The following SEMA6D variants were observed in gnomAD, a reference collection of about 807,000 sequenced individuals.
SEMA6D encodes the protein semaphorin 6D.
Under a neutral mutation model 106.6 loss-of-function variants are expected in SEMA6D, and 35 were observed. That is an observed-to-expected ratio of 0.33 (90% CI 0.25 to 0.44). The LOEUF (loss-of-function observed/expected upper bound fraction) is 0.44. SEMA6D is among the 20% of genes least tolerant of loss of function. SEMA6D has a pLI of 1.00. For missense variants in SEMA6D, 1,185 were observed against 1,345.9 expected, an observed-to-expected ratio of 0.88 and a Z score of 1.87; for synonymous variants, 499 against 487.7, an observed-to-expected ratio of 1.02 and a Z score of -0.31.
chr15:47,760,903 G>A, intron 3 of SEMA6D, 75 bp from the exon 4 acceptor site: 1 of 1,335,182 alleles, frequency 7.5e-7, no homozygotes, highest in Non-Finnish European at 1.0e-6. Context: ...AGGCAGATCT[G>A]TAAAAATAAA....
chr15:47,664,178 T>C (rs1009282588), intron 4 of SEMA6D, among the ~76,000 whole-genome samples: 2 of 152,206 alleles, frequency 1.3e-5, no homozygotes, highest in African/African-American at 4.8e-5. Flanking sequence ...TCTGCTCAAC[T>C]ATCATACATT....
intron 3 of SEMA6D, among the ~76,000 whole-genome samples, chr15:47,479,364 C>A (rs1264947035): frequency 6.6e-6 from 1 of 152,030 alleles, no homozygotes; most frequent in East Asian, 1.9e-4. Context: ...ATGCTAAGTT[C>A]AGTAAGAGGC....
chr15:47,735,291 G>T lies in SEMA6D; in HGVS notation c.-55+17599G>T, dbSNP rs79682818. ...AATAACTTTTAGAGAAGGCACTACGGTATAGTCATCATGGCCCAAATATCT... is the reference window on the plus strand; with the variant it reads ...AATAACTTTTAGAGAAGGCACTACGTTATAGTCATCATGGCCCAAATATCT... On this transcript the variant is annotated intron_variant, in intron 1 of 18. Transcript: ENST00000536845. Among the ~76,000 whole-genome samples the T allele has an allele frequency of 3.8e-3, 578 of 152,250 alleles. 24 individuals carry two copies. The East Asian group carries it at 0.1, about 26-fold the overall frequency.
intron 1 of SEMA6D, among the ~76,000 whole-genome samples, chr15:47,256,729 C>T (rs1244167524): frequency 6.6e-6 from 1 of 151,924 alleles, no homozygotes; most frequent in Admixed American, 6.6e-5. Flanking sequence ...CTTGGTGGTG[C>T]ACGCCTATAA....
chr15:47,390,005 T>C (rs987519929), intron 1 of SEMA6D, among the ~76,000 whole-genome samples: 8 of 152,254 alleles, frequency 5.3e-5, no homozygotes, highest in Non-Finnish European at 5.9e-5. Context: ...ACAAGCTCTT[T>C]TAGATGATCT....
At chr15:47,239,920 G>A (rs2032799455) in intron 1 of SEMA6D, among the ~76,000 whole-genome samples, 1 of 152,114 alleles carries the variant, frequency 6.6e-6, no homozygotes, top group East Asian at 1.9e-4. Flanking sequence ...ATCTGTAAAT[G>A]GGGTGGTAAT....
chr15:47,640,408 A>G (rs1446824141), intron 4 of SEMA6D, among the ~76,000 whole-genome samples: 2 of 152,178 alleles, frequency 1.3e-5, no homozygotes, highest in Non-Finnish European at 2.9e-5. Context: ...TGTGTTTTCT[A>G]GAGCAGCTCT....
intron 1 of SEMA6D, among the ~76,000 whole-genome samples, chr15:47,225,890 T>C (rs1399071660): frequency 6.6e-6 from 1 of 152,108 alleles, no homozygotes; most frequent in Non-Finnish European, 1.5e-5. Flanking sequence ...ATTGGGTACG[T>C]ACTTTTCAGA....
chr15:47,375,143 A>G (rs573739790), intron 1 of SEMA6D, among the ~76,000 whole-genome samples: 1 of 152,310 alleles, frequency 6.6e-6, no homozygotes, highest in South Asian at 2.1e-4. Context: ...CATTTAAGAG[A>G]TTAGACATCT....
chr15:47,476,785 C>CT (rs1197298539), intron 3 of SEMA6D, among the ~76,000 whole-genome samples: 2 of 152,184 alleles, frequency 1.3e-5, no homozygotes, highest in African/African-American at 4.8e-5. Context: ...AATTCCTAGA[C>CT]TTTTTGCCTG....
At chr15:47,536,626 A>T (rs1382776133) in intron 3 of SEMA6D, among the ~76,000 whole-genome samples, 2 of 152,210 alleles carry the variant, frequency 1.3e-5, no homozygotes, top group East Asian at 3.9e-4. Context: ...TATTGGTCTC[A>T]TGTTGTCTTT....
chr15:47,696,020 C>T (rs990705042), intron 4 of SEMA6D, among the ~76,000 whole-genome samples: 3 of 152,122 alleles, frequency 2.0e-5, no homozygotes, highest in Admixed American at 6.6e-5. Context: ...ATGTTTATGC[C>T]GTTTAATTCT....
At chr15:47,572,298 G>T (rs917657936) in intron 3 of SEMA6D, among the ~76,000 whole-genome samples, 1 of 152,112 alleles carries the variant, frequency 6.6e-6, no homozygotes, top group Non-Finnish European at 1.5e-5. Flanking sequence ...CTTTATATCA[G>T]CTATTTTTAT....
chr15:47,298,139 G>T (rs189267768), intron 1 of SEMA6D, among the ~76,000 whole-genome samples: 2 of 152,300 alleles, frequency 1.3e-5, no homozygotes, highest in East Asian at 1.9e-4. Context: ...TAAGTAATGG[G>T]AATGATGTGG....
chr15:47,293,544 C>G (rs1031999991), intron 1 of SEMA6D, among the ~76,000 whole-genome samples: 2 of 152,120 alleles, frequency 1.3e-5, no homozygotes, highest in African/African-American at 4.8e-5. Flanking sequence ...CTGTGTCTTC[C>G]CATAAGAGAT....
intron 4 of SEMA6D, among the ~76,000 whole-genome samples, chr15:47,607,689 C>G (rs1025883257): frequency 2.6e-5 from 4 of 152,204 alleles, no homozygotes; most frequent in African/African-American, 9.6e-5. Context: ...AATGCGTAAC[C>G]TTGTTCTTAT....
At chr15:47,407,626 G>A (rs532920975) in intron 1 of SEMA6D, among the ~76,000 whole-genome samples, 13 of 152,168 alleles carry the variant, frequency 8.5e-5, no homozygotes, top group Non-Finnish European at 1.2e-4. Flanking sequence ...CACCTTCTTG[G>A]TGCAAAAAGC....
chr15:47,324,778 A>G (rs1270964374), intron 1 of SEMA6D, among the ~76,000 whole-genome samples: 1 of 151,822 alleles, frequency 6.6e-6, no homozygotes, highest in East Asian at 1.9e-4. Flanking sequence ...GTACGCTATT[A>G]TACATGTGTA....
intron 4 of SEMA6D, among the ~76,000 whole-genome samples, chr15:47,628,285 G>A (rs1385383436): frequency 7.3e-6 from 1 of 136,462 alleles, no homozygotes; most frequent in Non-Finnish European, 1.7e-5. Context: ...TAAGGCACTT[G>A]CAGGGTTATA....
Sources: allele counts gnomAD v4.1 joint callset (sites outside exome capture counted in the v4.1 genomes callset), GRCh38; gene constraint gnomAD v4.1.1; transcripts MANE v1.5; gene names NCBI Gene and HGNC (gene_info 2026-07-23, HGNC 2026-07-21).